The following PLXDC2 variants were observed in gnomAD, a reference collection of about 807,000 sequenced individuals.
PLXDC2 encodes plexin domain containing 2, also known as plexin domain-containing protein 2.
In PLXDC2, 40 loss-of-function variants were observed where a neutral mutation model predicts 68.9. The observed-to-expected ratio is 0.58, with a 90% confidence interval of 0.45 to 0.76. The LOEUF is 0.76. PLXDC2 is among the 30% of genes least tolerant of loss of function. The pLI, the probability that PLXDC2 is intolerant of heterozygous loss-of-function variation, is 0.00. For missense variants in PLXDC2, 644 were observed against 661.9 expected (o/e 0.97, Z 0.30); for synonymous variants, 243 against 234.2 (o/e 1.04, Z -0.34).
intron 1 of PLXDC2, among the ~76,000 whole-genome samples, chr10:19,822,597 A>G (rs953975876): frequency 1.3e-5 from 2 of 152,148 alleles, no homozygotes; most frequent in Non-Finnish European, 2.9e-5. Context: ...CCAACAGTGT[A>G]TAAGGGTTGC....
chr10:20,129,107 A>G (rs1833830686), intron 4 of PLXDC2, among the ~76,000 whole-genome samples: 1 of 152,192 alleles, frequency 6.6e-6, no homozygotes, highest in East Asian at 1.9e-4. Context: ...CCAACAATGT[A>G]TAAGAGTTCC....
intron 1 of PLXDC2, among the ~76,000 whole-genome samples, chr10:20,000,780 T>C (rs1438182947): frequency 6.6e-6 from 1 of 152,180 alleles, no homozygotes; most frequent in Non-Finnish European, 1.5e-5. Flanking sequence ...AAGGGGAACA[T>C]AATGGCTGTA....
chr10:20,267,218 C>A lies in PLXDC2; in HGVS notation c.1474-12485C>A, dbSNP rs181900329. Among the ~76,000 whole-genome samples the A allele has an allele frequency of 4.6e-4, 70 of 152,156 alleles. No homozygotes were observed. The East Asian group carries it at 0.013, about 29-fold the overall frequency. On this transcript the variant is annotated intron_variant, in intron 13 of 13. Coordinates refer to ENST00000377252, the MANE Select transcript of PLXDC2 (RefSeq NM_032812.9). ...GTGGTGTGATTGATAAATAAATATT[C>A]GCCTTTTAAAAATTATTATGATGTA...
intron 4 of PLXDC2, among the ~76,000 whole-genome samples, chr10:20,082,668 A>T (rs60279417): frequency 0.22 from 33,665 of 152,082 alleles, 5,132 homozygotes; most frequent in East Asian, 0.61. Context: ...TATAAAATGT[A>T]TAACTAACAC....
At chr10:20,175,501 G>C (rs186345673) in intron 7 of PLXDC2, among the ~76,000 whole-genome samples, 2 of 151,828 alleles carry the variant, frequency 1.3e-5, no homozygotes, top group African/African-American at 4.8e-5. Flanking sequence ...GGGCAACATA[G>C]CAAGACCCTG....
intron 3 of PLXDC2, among the ~76,000 whole-genome samples, chr10:20,059,627 T>C (rs1040561489): frequency 1.3e-5 from 2 of 152,230 alleles, no homozygotes; most frequent in African/African-American, 4.8e-5. Flanking sequence ...CTGAAAGAAG[T>C]AGCCAGTTCT....
intron 9 of PLXDC2, among the ~76,000 whole-genome samples, chr10:20,208,022 A>G (rs904093662): frequency 2.0e-5 from 3 of 152,212 alleles, no homozygotes; most frequent in African/African-American, 4.8e-5. Context: ...TAATAAAAAA[A>G]AGAAAGATTG....
chr10:19,889,076 T>A (rs1837900975), intron 1 of PLXDC2, among the ~76,000 whole-genome samples: 1 of 152,052 alleles, frequency 6.6e-6, no homozygotes, highest in Non-Finnish European at 1.5e-5. Flanking sequence ...TTTATGATAA[T>A]ATAATAGAGC....
At chr10:20,022,240 G>A (rs1835324498) in intron 2 of PLXDC2, among the ~76,000 whole-genome samples, 1 of 152,172 alleles carries the variant, frequency 6.6e-6, no homozygotes, top group Non-Finnish European at 1.5e-5. Flanking sequence ...GCTCTTTCAT[G>A]AGTGCTAGTT....
intron 1 of PLXDC2, among the ~76,000 whole-genome samples, chr10:19,905,509 C>A (rs1833143112): frequency 6.6e-6 from 1 of 152,120 alleles, no homozygotes; most frequent in African/African-American, 2.4e-5. Flanking sequence ...AGTAAGTGAT[C>A]TTGGGAAGAC....
chr10:20,057,773 A>C (rs1836024465), intron 3 of PLXDC2, among the ~76,000 whole-genome samples: 1 of 152,140 alleles, frequency 6.6e-6, no homozygotes, highest in African/African-American at 2.4e-5. Context: ...ATTAGTCCTG[A>C]TTCCATGTGG....
intron 1 of PLXDC2, among the ~76,000 whole-genome samples, chr10:19,932,981 C>T (rs1833665752): frequency 1.3e-5 from 2 of 152,294 alleles, no homozygotes; most frequent in Non-Finnish European, 2.9e-5. Context: ...TGCTGCCACA[C>T]ATAAAATTTC....
chr10:20,183,824 A>G (rs138413244), intron 9 of PLXDC2, among the ~76,000 whole-genome samples: 2 of 152,094 alleles, frequency 1.3e-5, no homozygotes, highest in Admixed American at 6.6e-5. Context: ...CCAAATTGCT[A>G]TAGAGAGAAG....
intron 6 of PLXDC2, among the ~76,000 whole-genome samples, chr10:20,155,041 T>C (rs1834200263): frequency 6.6e-6 from 1 of 152,180 alleles, no homozygotes; most frequent in Admixed American, 6.5e-5. Flanking sequence ...AAAATCACTT[T>C]TTAATCTATT....
At chr10:20,092,364 T>C (rs1485544259) in intron 4 of PLXDC2, among the ~76,000 whole-genome samples, 1 of 152,210 alleles carries the variant, frequency 6.6e-6, no homozygotes, top group African/African-American at 2.4e-5. Context: ...CTTTTCAAAC[T>C]AAGATTCCAC....
chr10:20,276,299 G>A (rs1037222411), intron 13 of PLXDC2, among the ~76,000 whole-genome samples: 1 of 152,166 alleles, frequency 6.6e-6, no homozygotes, highest in African/African-American at 2.4e-5. Context: ...TCCAGCTGCG[G>A]TTTTGTGTAC....
chr10:20,138,079 TC>T (rs1466688200), intron 4 of PLXDC2, among the ~76,000 whole-genome samples: 1 of 152,230 alleles, frequency 6.6e-6, no homozygotes, highest in African/African-American at 2.4e-5. Context: ...TACGTAGAGC[TC>T]AATTTTATTT....
intron 1 of PLXDC2, among the ~76,000 whole-genome samples, chr10:19,908,445 C>T (rs1833206257): frequency 6.6e-6 from 1 of 150,668 alleles, no homozygotes; most frequent in East Asian, 1.9e-4. Flanking sequence ...AGATAATGTA[C>T]TGCTGAAAGT....
chr10:19,853,096 A>C (rs761973885), intron 1 of PLXDC2, among the ~76,000 whole-genome samples: 15 of 152,340 alleles, frequency 9.8e-5, no homozygotes, highest in Non-Finnish European at 1.9e-4. Context: ...TTACAGATAA[A>C]GATAATACAG....
Sources: allele counts gnomAD v4.1 joint callset (sites outside exome capture counted in the v4.1 genomes callset), GRCh38; gene constraint gnomAD v4.1.1; transcripts MANE v1.5; gene names NCBI Gene and HGNC (gene_info 2026-07-23, HGNC 2026-07-21).